The following LMBR1 variants were observed in gnomAD, a reference collection of about 807,000 sequenced individuals.
LMBR1 encodes the protein limb region 1 protein homolog.
A neutral mutation model predicts 73.9 loss-of-function variants in LMBR1; 52 were observed. The observed-to-expected ratio is 0.70, with a 90% CI of 0.56 to 0.89. LMBR1 has a LOEUF of 0.89. LMBR1 is among the 40% of genes least tolerant of loss of function. The pLI is 0.00. For missense variants in LMBR1, 539 were observed against 579.8 expected, an observed-to-expected ratio of 0.93 and a Z score of 0.72; for synonymous variants, 215 against 209.4, an observed-to-expected ratio of 1.03 and a Z score of -0.23.
At chr7:156,866,188 TCTTA>T (rs1798430563) in intron 1 of LMBR1, among the ~76,000 whole-genome samples, 1 of 151,668 alleles carries the variant, frequency 6.6e-6, no homozygotes, top group Non-Finnish European at 1.5e-5. Flanking sequence ...CTGATAGGGG[TCTTA>T]TGTCTAGATT....
chr7:156,807,499 T>C (rs778635905), intron 4 of LMBR1, among the ~76,000 whole-genome samples: 5 of 152,212 alleles, frequency 3.3e-5, no homozygotes, highest in Non-Finnish European at 7.4e-5. Flanking sequence ...ATTATTATCC[T>C]TTTAATCACT....
chr7:156,873,883 T>C (rs990596544), intron 1 of LMBR1, among the ~76,000 whole-genome samples: 13 of 152,276 alleles, frequency 8.5e-5, no homozygotes, highest in Non-Finnish European at 1.5e-4. Flanking sequence ...TTACAATCCC[T>C]GAGCTAGACA....
intron 4 of LMBR1, among the ~76,000 whole-genome samples, chr7:156,815,642 A>G (rs1833799536): frequency 6.6e-6 from 1 of 152,190 alleles, no homozygotes; most frequent in Non-Finnish European, 1.5e-5. Context: ...GGGGATGCTG[A>G]GCTAGGCTCA....
chr7:156,803,887 G>C (rs373990592), intron 4 of LMBR1, among the ~76,000 whole-genome samples: 1 of 149,612 alleles, frequency 6.7e-6, no homozygotes, highest in African/African-American at 2.5e-5. Context: ...GCAAACTATC[G>C]CAAGGACAAA....
chr7:156,680,591 T>C lies in LMBR1; in HGVS notation c.*3487A>G, dbSNP rs928188749. ...TGTTCAGTCCTTTTATGGAAAAAAT[T>C]AGAGAAATCAAGTCTAAATAATTCA... On this transcript the variant is annotated 3_prime_UTR_variant, in exon 17 of 17. Coordinates refer to ENST00000353442, the MANE Select transcript of LMBR1 (RefSeq NM_022458.4). 1 of 152,786 alleles carries C rather than the reference T, an allele frequency of 6.5e-6. No homozygotes were observed. Among genetic ancestry groups the C allele is most frequent in the African/African-American group, 2.4e-5 (1 of 41,418 alleles). 9.5% of individuals were successfully genotyped at this position (152,786 alleles called of 1,614,324 possible).
intron 4 of LMBR1, among the ~76,000 whole-genome samples, chr7:156,811,788 C>T (rs890605644): frequency 2.6e-5 from 4 of 152,164 alleles, no homozygotes; most frequent in Non-Finnish European, 5.9e-5. Context: ...AACCGAATGG[C>T]TTCAAGCAAC....
intron 8 of LMBR1, among the ~76,000 whole-genome samples, chr7:156,758,316 T>C (rs139909092): frequency 1.3e-4 from 20 of 152,368 alleles, no homozygotes; most frequent in African/African-American, 4.3e-4. Context: ...AGTTTTTACA[T>C]AAGGTCTAAG....
chr7:156,781,028 C>T (rs6952611), intron 5 of LMBR1, among the ~76,000 whole-genome samples: 12,402 of 152,200 alleles, frequency 0.081, 701 homozygotes, highest in African/African-American at 0.16. Context: ...ATACTAAGGT[C>T]AAATGCTCAG....
At chr7:156,768,894 G>A (rs983948410) in intron 5 of LMBR1, among the ~76,000 whole-genome samples, 3 of 152,060 alleles carry the variant, frequency 2.0e-5, no homozygotes, top group African/African-American at 7.2e-5. Context: ...CCTTTCTCAG[G>A]AGTCCACTCG....
At chr7:156,738,029 C>T (rs1161585665) in intron 9 of LMBR1, among the ~76,000 whole-genome samples, 1 of 152,186 alleles carries the variant, frequency 6.6e-6, no homozygotes, top group Non-Finnish European at 1.5e-5. Context: ...CAGGTGAGCA[C>T]TCACAGTACC....
downstream of LMBR1, chr7:156,676,875 A>G (rs749734585): frequency 2.3e-5 from 12 of 529,744 alleles, no homozygotes; most frequent in Non-Finnish European, 3.7e-5. Flanking sequence ...TATGAGTTTA[A>G]TCACTTCAAA....
At chr7:156,861,475 T>C (rs1182412615) in intron 1 of LMBR1, among the ~76,000 whole-genome samples, 1 of 152,202 alleles carries the variant, frequency 6.6e-6, no homozygotes, top group Admixed American at 6.5e-5. Context: ...GTCTCTGACA[T>C]GCCTTGGAGA....
chr7:156,796,559 A>T (rs145446622), intron 4 of LMBR1, 67 bp from the exon 5 acceptor site: 2 of 990,934 alleles, frequency 2.0e-6, no homozygotes, highest in East Asian at 5.6e-5. Flanking sequence ...ATTAATCAAG[A>T]TCTATACTTT....
At chr7:156,788,905 G>A (rs1008406048) in intron 5 of LMBR1, among the ~76,000 whole-genome samples, 15 of 151,980 alleles carry the variant, frequency 9.9e-5, no homozygotes, top group East Asian at 5.8e-4. Context: ...AAAATTAGCC[G>A]GGCGTGGTGG....
intron 4 of LMBR1, among the ~76,000 whole-genome samples, chr7:156,812,369 G>A (rs567070626): frequency 2.8e-4 from 42 of 152,158 alleles, no homozygotes; most frequent in Non-Finnish European, 4.9e-4. Flanking sequence ...GAAAACACAA[G>A]AGCGCAGAGG....
chr7:156,848,927 T>G (rs1013486100), intron 1 of LMBR1, among the ~76,000 whole-genome samples: 1 of 117,672 alleles, frequency 8.5e-6, no homozygotes, highest in Non-Finnish European at 1.7e-5. Flanking sequence ...CAAGACTCTG[T>G]CTCAAAAAAA....
chr7:156,713,435 A>G (rs143445687), intron 15 of LMBR1, among the ~76,000 whole-genome samples: 7 of 152,256 alleles, frequency 4.6e-5, no homozygotes, highest in East Asian at 1.9e-4. Flanking sequence ...ACTGTAACCA[A>G]TGTGCCACTC....
At chr7:156,690,593 C>G (rs1201340359) in intron 15 of LMBR1, among the ~76,000 whole-genome samples, 32 of 152,172 alleles carry the variant, frequency 2.1e-4, no homozygotes, top group Admixed American at 2.1e-3. Context: ...AGGGTCAAGA[C>G]TTAGACATAT....
chr7:156,773,162 C>T (rs969943940), intron 5 of LMBR1, among the ~76,000 whole-genome samples: 3 of 151,908 alleles, frequency 2.0e-5, no homozygotes, highest in Non-Finnish European at 4.4e-5. Flanking sequence ...AAGGTCTCTA[C>T]AAGAATTAAA....
Sources: allele counts gnomAD v4.1 joint callset (sites outside exome capture counted in the v4.1 genomes callset), GRCh38; gene constraint gnomAD v4.1.1; transcripts MANE v1.5; gene names NCBI Gene and HGNC (gene_info 2026-07-23, HGNC 2026-07-21).